LRFN2: variants seen among roughly 807,000 people sequenced by gnomAD.
LRFN2 encodes leucine rich repeat and fibronectin type III domain containing 2, also known as leucine-rich repeat and fibronectin type-III domain-containing protein 2.
In LRFN2, 18 loss-of-function variants were observed where a neutral mutation model predicts 37.3. That is an observed-to-expected ratio of 0.48 (90% CI 0.33 to 0.72). The LOEUF is 0.72. Ranked by LOEUF, LRFN2 falls within the 30% of genes least tolerant of loss-of-function variation. The pLI is 0.02. For synonymous variants in LRFN2, 556 were observed against 466.6 expected (o/e 1.19, Z -2.47); for missense variants, 1,006 against 1,060.7 (o/e 0.95, Z 0.72).
chr6:40,511,952 G>T (rs1212064034), intron 1 of LRFN2, among the ~76,000 whole-genome samples: 3 of 152,198 alleles, frequency 2.0e-5, no homozygotes, highest in Non-Finnish European at 4.4e-5. Flanking sequence ...GAGGAACTAG[G>T]GAAAAGAAGG....
intron 1 of LRFN2, among the ~76,000 whole-genome samples, chr6:40,463,725 G>A (rs1415824260): frequency 7.6e-6 from 1 of 131,838 alleles, no homozygotes; most frequent in African/African-American, 2.8e-5. Context: ...CACCCAGGCT[G>A]GAGTGCAGTG....
At chr6:40,535,042 A>G (rs774619083) in intron 1 of LRFN2, among the ~76,000 whole-genome samples, 1 of 152,136 alleles carries the variant, frequency 6.6e-6, no homozygotes, top group Non-Finnish European at 1.5e-5. Context: ...GCTTTTAATC[A>G]CCACTCTAGT....
At chr6:40,537,777 G>A (rs1395382244) in intron 1 of LRFN2, among the ~76,000 whole-genome samples, 2 of 152,168 alleles carry the variant, frequency 1.3e-5, no homozygotes, top group African/African-American at 4.8e-5. Context: ...GACTCCCTCA[G>A]TGTTAAAGCT....
Position 40,391,992 on chromosome 6 carries a change from G to A in LRFN2, c.2321C>T (p.Ala774Val). 6.2e-7 allele frequency: 1 copy of A among 1,605,382 alleles called. No homozygotes were observed. Among genetic ancestry groups the A allele is most frequent in the Admixed American group, 1.7e-5 (1 of 59,100 alleles). ...TTCGGAGCTGCCAAAAGTCCCCCGG[G>A]CCCCCACCAGGTCACTCTCCTCAAA... is the stretch of plus-strand genomic sequence containing the variant. The part of the protein sequence containing the change: ...LPFEESDLVG[A>V]RGTFGSSEWV... The change falls in exon 3 of 3, where the codon GCC (alanine) becomes GTC (valine). Residue 774 changes from alanine (A) to valine (V), a missense_variant. Transcript: ENST00000338305.
intron 1 of LRFN2, among the ~76,000 whole-genome samples, chr6:40,577,788 A>AAAAT (rs143430760): frequency 2.1e-4 from 30 of 142,714 alleles, no homozygotes; most frequent in East Asian, 1.2e-3. Context: ...AAAAAAGGAA[A>AAAAT]AAATAAATAA....
intron 1 of LRFN2, among the ~76,000 whole-genome samples, chr6:40,570,965 T>C (rs1767176014): frequency 1.3e-5 from 2 of 152,178 alleles, no homozygotes; most frequent in Non-Finnish European, 2.9e-5. Flanking sequence ...TTCAGCAAGG[T>C]GTGCGCATTG....
chr6:40,433,225 G>T, intron 1 of LRFN2, 94 bp from the exon 2 acceptor site: 2 of 1,086,252 alleles, frequency 1.8e-6, no homozygotes, highest in Non-Finnish European at 2.6e-6. Flanking sequence ...CACTGCCTTA[G>T]GGAGTGGCAT....
intron 2 of LRFN2, among the ~76,000 whole-genome samples, chr6:40,406,627 A>G (rs1302731885): frequency 6.6e-6 from 1 of 152,190 alleles, no homozygotes; most frequent in Non-Finnish European, 1.5e-5. Context: ...CATGCCAGGC[A>G]GTCATCCTAG....
intron 1 of LRFN2, among the ~76,000 whole-genome samples, chr6:40,521,864 C>T (rs1310944619): frequency 6.6e-6 from 1 of 152,244 alleles, no homozygotes; most frequent in Non-Finnish European, 1.5e-5. Flanking sequence ...GCACCCCTTC[C>T]CAAACATGGC....
chr6:40,432,547 G>A lies in LRFN2; in HGVS notation c.567C>T (p.Ala189=), dbSNP rs770319870. The change falls in exon 2 of 3, where the codon GCC becomes GCT. Residue 189 remains alanine, a synonymous_variant. Transcript: ENST00000338305. The part of the protein sequence containing the change: ...SLDHNLLDHI[A]EGTFADLQKL... The stretch of plus-strand genomic sequence containing the variant: ...TCTGCAGGTCTGCAAAGGTGCCCTC[G>A]GCGATGTGATCCAGCAGGTTGTGGT... 2.5e-5 allele frequency: 40 copies of A among 1,614,132 alleles called. No individual in the cohort carries two copies. The highest frequency in any genetic ancestry group is 6.7e-5 in the East Asian group (3 of 44,894).
intron 1 of LRFN2, among the ~76,000 whole-genome samples, chr6:40,478,290 C>T (rs751789312): frequency 6.6e-6 from 1 of 152,128 alleles, no homozygotes; most frequent in Non-Finnish European, 1.5e-5. Flanking sequence ...CTATTATTGG[C>T]CCATTTTACA....
At chr6:40,413,661 C>T (rs1763023419) in intron 2 of LRFN2, among the ~76,000 whole-genome samples, 1 of 152,166 alleles carries the variant, frequency 6.6e-6, no homozygotes. Flanking sequence ...AGGCATGCAT[C>T]AGCCTGCCTG....
At chr6:40,539,330 T>A (rs1766509042) in intron 1 of LRFN2, among the ~76,000 whole-genome samples, 1 of 152,184 alleles carries the variant, frequency 6.6e-6, no homozygotes, top group Admixed American at 6.5e-5. Flanking sequence ...CTTTAAGCAT[T>A]TGATGTTTCT....
chr6:40,517,030 T>A (rs1765898654), intron 1 of LRFN2, among the ~76,000 whole-genome samples: 1 of 152,160 alleles, frequency 6.6e-6, no homozygotes, highest in African/African-American at 2.4e-5. Context: ...TGCATAGGGC[T>A]TACTTTCCCA....
intron 2 of LRFN2, among the ~76,000 whole-genome samples, chr6:40,394,955 T>C (rs1181405669): frequency 6.7e-4 from 2 of 3,006 alleles, no homozygotes; most frequent in Admixed American, 2.7e-3. Context: ...TTTCTTTTCC[T>C]TTTTTTTTTT....
chr6:40,538,021 G>A (rs1258688401), intron 1 of LRFN2, among the ~76,000 whole-genome samples: 2 of 152,094 alleles, frequency 1.3e-5, no homozygotes, highest in African/African-American at 4.8e-5. Flanking sequence ...TGAAGACTAA[G>A]GAGGGACAAC....
At chr6:40,411,067 T>C (rs1317854680) in intron 2 of LRFN2, among the ~76,000 whole-genome samples, 1 of 152,246 alleles carries the variant, frequency 6.6e-6, no homozygotes, top group African/African-American at 2.4e-5. Context: ...AGTAATCATG[T>C]AAATAAATCA....
chr6:40,507,670 A>T (rs1184469601), intron 1 of LRFN2, among the ~76,000 whole-genome samples: 12 of 152,150 alleles, frequency 7.9e-5, no homozygotes. Flanking sequence ...GGAGGGGAAA[A>T]TGCCTAGTCC....
intron 1 of LRFN2, among the ~76,000 whole-genome samples, chr6:40,490,477 T>C (rs6904732): frequency 0.013 from 1,996 of 152,244 alleles, 35 homozygotes; most frequent in East Asian, 0.059. Context: ...AGCTCACCTG[T>C]GGCTATCCTG....
Sources: gnomAD v4.1 joint callset for allele counts (sites outside exome capture counted in the v4.1 genomes callset) on GRCh38, gnomAD v4.1.1 for gene constraint, MANE v1.5 for transcripts, NCBI Gene and HGNC (gene_info 2026-07-23, HGNC 2026-07-21) for gene names.